The following SCGB2B2 variants were observed in gnomAD, a reference collection of about 807,000 sequenced individuals.
The protein encoded by SCGB2B2 is secretoglobin family 2B member 2, also known as secretoglobin-like protein.
Under a neutral mutation model 7.6 loss-of-function variants are expected in SCGB2B2, and 11 were observed. The observed-to-expected ratio is 1.45, with a 90% confidence interval of 0.91 to 2.40. The LOEUF (loss-of-function observed/expected upper bound fraction) is 2.40, where lower values mean the gene tolerates loss of function less well. Ranked by LOEUF, SCGB2B2 falls within the 30% of genes most tolerant of loss-of-function variation. SCGB2B2 has a pLI of 0.00. For synonymous variants in SCGB2B2, 50 were observed against 48.6 expected, an observed-to-expected ratio of 1.03 and a Z score of -0.12; for missense variants, 104 against 115.4, an observed-to-expected ratio of 0.90 and a Z score of 0.45.
intron 1 of SCGB2B2, among the ~76,000 whole-genome samples, chr19:34,625,019 A>C (rs931505139): frequency 6.6e-6 from 1 of 152,208 alleles, no homozygotes; most frequent in Non-Finnish European, 1.5e-5. Context: ...TTTCCTGGCC[A>C]ATGCACCAGT....
At chr19:34,621,911 G>A (rs1441915131) in intron 1 of SCGB2B2, among the ~76,000 whole-genome samples, 1 of 152,210 alleles carries the variant, frequency 6.6e-6, no homozygotes, top group Non-Finnish European at 1.5e-5. Context: ...CCTCTGGGAG[G>A]AAAGTGTCTG....
At chr19:34,596,796 G>A (rs12611309) in intron 1 of SCGB2B2, among the ~76,000 whole-genome samples, 45,861 of 151,842 alleles carry the variant, frequency 0.3, 8,702 homozygotes, top group East Asian at 0.47. Flanking sequence ...GGCTCCAAGA[G>A]GGCCGCAGTG....
chr19:34,590,048 T>C (rs773261536), downstream of SCGB2B2, among the ~76,000 whole-genome samples: 1 of 152,226 alleles, frequency 6.6e-6, no homozygotes, highest in East Asian at 1.9e-4. Flanking sequence ...TCTCTGAGTA[T>C]GTCCTTGGAT....
chr19:34,631,015 C>CA (rs909962441), intron 1 of SCGB2B2, among the ~76,000 whole-genome samples: 17 of 147,886 alleles, frequency 1.1e-4, no homozygotes, highest in Admixed American at 3.5e-4. Context: ...ATCACAAGGA[C>CA]AAAAAACCAA....
chr19:34,611,178 C>T (rs2065916291), intron 1 of SCGB2B2, among the ~76,000 whole-genome samples: 1 of 150,518 alleles, frequency 6.6e-6, no homozygotes, highest in East Asian at 1.9e-4. Context: ...TCTACTATTT[C>T]ATTTTTGGTT....
intron 1 of SCGB2B2, among the ~76,000 whole-genome samples, chr19:34,661,245 A>G (rs886536363): frequency 6.6e-6 from 1 of 152,178 alleles, no homozygotes; most frequent in Non-Finnish European, 1.5e-5. Flanking sequence ...CATGTTATGC[A>G]CATGTACCCT....
chr19:34,611,123 C>T (rs775329121), intron 1 of SCGB2B2, among the ~76,000 whole-genome samples: 19 of 152,070 alleles, frequency 1.2e-4, no homozygotes, highest in Non-Finnish European at 2.5e-4. Flanking sequence ...TTATTTGTAG[C>T]AGTCTCTAAT....
At chr19:34,641,413 G>A (rs943923637) in intron 1 of SCGB2B2, among the ~76,000 whole-genome samples, 1 of 152,208 alleles carries the variant, frequency 6.6e-6, no homozygotes, top group Non-Finnish European at 1.5e-5. Context: ...AATGGTGACA[G>A]ACAGTGTCAA....
chr19:34,607,050 G>A (rs918038011), intron 1 of SCGB2B2, among the ~76,000 whole-genome samples: 2 of 152,044 alleles, frequency 1.3e-5, no homozygotes, highest in African/African-American at 4.8e-5. Context: ...TTCATCCCCC[G>A]GCTACACTTT....
At chr19:34,674,673 G>A (rs1331297642) in intron 1 of SCGB2B2, among the ~76,000 whole-genome samples, 1 of 152,122 alleles carries the variant, frequency 6.6e-6, no homozygotes, top group African/African-American at 2.4e-5. Context: ...TAACGAATTG[G>A]GGTTCTCAAA....
At chr19:34,608,659 G>GCATATATATATA (rs1273380934) in intron 1 of SCGB2B2, 1 of 24,066 alleles carries the variant, frequency 4.2e-5, no homozygotes, top group Non-Finnish European at 6.7e-5. Context: ...GTGTCTCATT[G>GCATATATATATA]CATATATATA....
intron 1 of SCGB2B2, among the ~76,000 whole-genome samples, chr19:34,660,148 G>T (rs1400310725): frequency 1.3e-5 from 2 of 152,160 alleles, no homozygotes; most frequent in Non-Finnish European, 2.9e-5. Context: ...ATGGATTAAA[G>T]ACTTAAATGT....
intron 1 of SCGB2B2, among the ~76,000 whole-genome samples, chr19:34,663,068 A>G (rs946342203): frequency 9.2e-5 from 14 of 152,250 alleles, no homozygotes; most frequent in African/African-American, 2.9e-4. Flanking sequence ...ATGCAAATGG[A>G]AACCCAATGA....
At chr19:34,603,418 C>T (rs554982472) in intron 1 of SCGB2B2, among the ~76,000 whole-genome samples, 1 of 152,234 alleles carries the variant, frequency 6.6e-6, no homozygotes, top group Non-Finnish European at 1.5e-5. Flanking sequence ...GCCTTGCTTT[C>T]CTGACAGTCT....
chr19:34,647,337 G>T (rs533390374), intron 1 of SCGB2B2, among the ~76,000 whole-genome samples: 71 of 152,242 alleles, frequency 4.7e-4, no homozygotes, highest in Non-Finnish European at 8.8e-5. Flanking sequence ...ACTCCCTCTG[G>T]GGAAGGTCCC....
rs1054230332 is a variant in SCGB2B2, at chr19:34,654,083, T to C, written c.-2032+21547A>G. The stretch of plus-strand genomic sequence containing the variant: ...GATGTGTTCATTATTTTGATTATTA[T>C]GGTAGTTGTTCTGATTTTTACAAGT... On this transcript the variant is annotated intron_variant, in intron 1 of 3. Coordinates refer to ENST00000601241, the MANE Select transcript of SCGB2B2 (RefSeq NM_001025591.4). 2.6e-5 allele frequency among the ~76,000 whole-genome samples: 4 copies of C among 151,274 alleles called. 1 individual carries two copies. Among genetic ancestry groups the C allele is most frequent in the African/African-American group, 9.9e-5 (4 of 40,584 alleles).
intron 1 of SCGB2B2, among the ~76,000 whole-genome samples, chr19:34,628,294 G>C (rs1383824724): frequency 6.6e-6 from 1 of 151,780 alleles, no homozygotes; most frequent in Non-Finnish European, 1.5e-5. Context: ...AGAAGATAGA[G>C]ACAAAAAAAA....
At chr19:34,587,074 A>AT (rs1362555195), downstream of SCGB2B2, among the ~76,000 whole-genome samples, 1 of 151,852 alleles carries the variant, frequency 6.6e-6, no homozygotes, top group Non-Finnish European at 1.5e-5. Flanking sequence ...TGTCTGGCTA[A>AT]TTTTTTGTAT....
intron 1 of SCGB2B2, among the ~76,000 whole-genome samples, chr19:34,612,019 ATTCTTTTTTTTTTTTT>A (rs1568431514): frequency 4.7e-5 from 2 of 42,994 alleles, no homozygotes; most frequent in Non-Finnish European, 9.5e-5. Context: ...GTTTTAGAAA[ATTCTTTTTTTTTTTTT>A]TTTTTTTTTT....
Sources: allele counts gnomAD v4.1 joint callset (sites outside exome capture counted in the v4.1 genomes callset), GRCh38; gene constraint gnomAD v4.1.1; transcripts MANE v1.5; gene names NCBI Gene and HGNC (gene_info 2026-07-23, HGNC 2026-07-21).